The following TMEM132C variants were observed in gnomAD, a reference collection of about 807,000 sequenced individuals.
TMEM132C encodes the protein protein phosphatase 1, regulatory subunit 152.
A neutral mutation model predicts 61.4 loss-of-function variants in TMEM132C; 29 were observed. The observed-to-expected ratio is 0.47, with a 90% CI of 0.35 to 0.64. TMEM132C has a LOEUF of 0.64. Among genes scored for constraint, TMEM132C ranks in the 30% least tolerant of loss-of-function variants. The pLI is 0.00. For synonymous variants in TMEM132C, 656 were observed against 633.1 expected (o/e 1.04, Z -0.54); for missense variants, 1,408 against 1,476.9 (o/e 0.95, Z 0.76).
At chr12:128,437,139 C>A (rs1869626445) in intron 2 of TMEM132C, among the ~76,000 whole-genome samples, 1 of 151,636 alleles carries the variant, frequency 6.6e-6, no homozygotes, top group South Asian at 2.1e-4. Context: ...CACACTGGGG[C>A]ATGTCATGTG....
At chr12:128,557,945 CA>C (rs1874382814) in intron 3 of TMEM132C, among the ~76,000 whole-genome samples, 1 of 152,240 alleles carries the variant, frequency 6.6e-6, no homozygotes, top group African/African-American at 2.4e-5. Flanking sequence ...CCTCTTGAGC[CA>C]GCCCGGCAAC....
chr12:128,395,354 ACTAT>A (rs1364366239), intron 1 of TMEM132C, among the ~76,000 whole-genome samples: 3 of 152,272 alleles, frequency 2.0e-5, no homozygotes, highest in East Asian at 3.9e-4. Flanking sequence ...AATAATGGTA[ACTAT>A]CTACATAATA....
chr12:128,676,990 C>T (rs897504579), intron 5 of TMEM132C, among the ~76,000 whole-genome samples: 2 of 152,208 alleles, frequency 1.3e-5, no homozygotes, highest in South Asian at 2.1e-4. Flanking sequence ...GGTGAAGGAG[C>T]AGCACCTAGA....
At chr12:128,462,337 C>T (rs1482838498) in intron 2 of TMEM132C, among the ~76,000 whole-genome samples, 4 of 152,180 alleles carry the variant, frequency 2.6e-5, no homozygotes, top group Admixed American at 2.6e-4. Flanking sequence ...AAACTCCCAA[C>T]CTCAGGGGAT....
chr12:128,516,731 G>A (rs1422721098), intron 2 of TMEM132C, among the ~76,000 whole-genome samples: 1 of 152,094 alleles, frequency 6.6e-6, no homozygotes, highest in African/African-American at 2.4e-5. Context: ...GGACAACATA[G>A]CAAGACTCCA....
chr12:128,555,513 C>G (rs529396503), intron 3 of TMEM132C, among the ~76,000 whole-genome samples: 1 of 152,264 alleles, frequency 6.6e-6, no homozygotes, highest in African/African-American at 2.4e-5. Context: ...TCCACACACG[C>G]AAAACTTATA....
rs189507898 is a variant in TMEM132C at position 128,600,547 on chromosome 12, G to A, written c.1122-15605G>A. Reference sequence around the variant, plus strand: ...GAATTGGATGGCTTTCTCAAGTGGAGTGGACCCATGCCTGCTTGGGAAACA... The same window carrying A: ...GAATTGGATGGCTTTCTCAAGTGGAATGGACCCATGCCTGCTTGGGAAACA... On this transcript the variant is annotated intron_variant, in intron 3 of 8. Coordinates refer to ENST00000435159, the MANE Select transcript of TMEM132C (RefSeq NM_001136103.3). 3.8e-4 allele frequency among the ~76,000 whole-genome samples: 58 copies of A among 152,352 alleles called. 1 individual carries two copies. The East Asian group carries it at 9.1e-3, about 24-fold the overall frequency.
chr12:128,339,646 C>G (rs954571925), intron 1 of TMEM132C, among the ~76,000 whole-genome samples: 1 of 150,810 alleles, frequency 6.6e-6, no homozygotes, highest in African/African-American at 2.5e-5. Flanking sequence ...TGGAAGGTCC[C>G]CATCACTCCC....
At chr12:128,444,542 C>T (rs1303833830) in intron 2 of TMEM132C, among the ~76,000 whole-genome samples, 3 of 152,158 alleles carry the variant, frequency 2.0e-5, no homozygotes, top group African/African-American at 7.2e-5. Context: ...TTCTCATTGG[C>T]CTGTTGATGA....
At chr12:128,698,295 T>C (rs1024886951) in intron 8 of TMEM132C, among the ~76,000 whole-genome samples, 3 of 151,950 alleles carry the variant, frequency 2.0e-5, no homozygotes, top group African/African-American at 4.8e-5. Context: ...GCAGGGAGAG[T>C]TATCCACGTA....
chr12:128,289,116 A>C (rs1375748797), intron 1 of TMEM132C: 2 of 152,058 alleles, frequency 1.3e-5, no homozygotes, highest in East Asian at 3.9e-4. Context: ...GTGCACAAAT[A>C]CATATGCTCG....
chr12:128,656,746 A>G (rs1448863985), intron 4 of TMEM132C, among the ~76,000 whole-genome samples: 1 of 152,184 alleles, frequency 6.6e-6, no homozygotes, highest in African/African-American at 2.4e-5. Context: ...ACCCAGTCAC[A>G]TGGTCACAGC....
chr12:128,433,138 T>TG (rs1869450600), intron 2 of TMEM132C, among the ~76,000 whole-genome samples: 2 of 152,224 alleles, frequency 1.3e-5, no homozygotes, highest in Non-Finnish European at 2.9e-5. Context: ...ACCATGCTGT[T>TG]GCACACTTAA....
At chr12:128,532,640 CAAAAAAAAAAAAA>C (rs61283555) in intron 2 of TMEM132C, among the ~76,000 whole-genome samples, 71 of 67,162 alleles carry the variant, frequency 1.1e-3, no homozygotes, top group African/African-American at 4.9e-3. Context: ...GACTCCATCT[CAAAAAAAAAAAAA>C]AAAAAAAAAA....
At chr12:128,376,525 A>G (rs1874198349) in intron 1 of TMEM132C, among the ~76,000 whole-genome samples, 2 of 152,244 alleles carry the variant, frequency 1.3e-5, no homozygotes, top group Non-Finnish European at 2.9e-5. Flanking sequence ...TGAAAAACTC[A>G]TGAACTTGAA....
intron 2 of TMEM132C, among the ~76,000 whole-genome samples, chr12:128,504,715 C>T (rs954647338): frequency 6.7e-6 from 1 of 150,024 alleles, no homozygotes; most frequent in African/African-American, 2.5e-5. Flanking sequence ...ATGAAGGCCC[C>T]ATTGCACAGC....
chr12:128,573,498 T>C (rs1178478890), intron 3 of TMEM132C, among the ~76,000 whole-genome samples: 2 of 151,956 alleles, frequency 1.3e-5, no homozygotes, highest in Non-Finnish European at 2.9e-5. Context: ...ATATACCTAA[T>C]GTAAATGATG....
chr12:128,499,786 C>T (rs1324359160), intron 2 of TMEM132C, among the ~76,000 whole-genome samples: 1 of 152,124 alleles, frequency 6.6e-6, no homozygotes, highest in Non-Finnish European at 1.5e-5. Flanking sequence ...ATTTGTTCAT[C>T]CATTGATGGG....
At chr12:128,321,931 G>A (rs780798252) in intron 1 of TMEM132C, among the ~76,000 whole-genome samples, 5 of 152,272 alleles carry the variant, frequency 3.3e-5, no homozygotes, top group South Asian at 2.1e-4. Flanking sequence ...AGACCCTAAG[G>A]CTTGTGTGGT....
Sources: allele counts gnomAD v4.1 joint callset (sites outside exome capture counted in the v4.1 genomes callset), GRCh38; gene constraint gnomAD v4.1.1; transcripts MANE v1.5; gene names NCBI Gene and HGNC (gene_info 2026-07-23, HGNC 2026-07-21).